VARS1: variants seen among roughly 807,000 people sequenced by gnomAD.
The protein encoded by VARS1 is valine--tRNA ligase.
A neutral mutation model predicts 161.0 loss-of-function variants in VARS1; 92 were observed. That is an observed-to-expected ratio of 0.57 (90% CI 0.48 to 0.68). VARS1 has a LOEUF of 0.68. VARS1 is among the 30% of genes least tolerant of loss of function. The pLI is 0.00. For missense variants in VARS1, 1,338 were observed against 1,695.9 expected (o/e 0.79, Z 3.71); for synonymous variants, 595 against 682.5 (o/e 0.87, Z 2.00).
rs370147590 is a variant in VARS1, at chr6:31,782,407, C to A, written c.2028G>T (p.Pro676=). 2 of 1,612,190 alleles carry A rather than the reference C, an allele frequency of 1.2e-6. No homozygotes were observed. Among genetic ancestry groups the A allele is most frequent in the East Asian group, 2.2e-5 (1 of 44,842 alleles). ...TCTCCCCGCAGCGAACGTACCACTG[C>A]GGCCGCAGCAGAGGCTCTACCACGT... The part of the protein sequence containing the change: ...SKDVVEPLLR[P]QWYVRCGEMA... The change falls in exon 17 of 30, where the codon CCG becomes CCT. Residue 676 remains proline (P), a synonymous_variant. Transcript: ENST00000375663. This position sits in a 1 kb window ranked among gnomAD's most constrained non-coding sequence, Gnocchi z 8.3.
rs1352287500 is a variant in VARS1, at chr6:31,777,588, G to C, written c.*6C>G. The C allele has an allele frequency of 6.2e-7, 1 of 1,613,976 alleles. No individual in the cohort carries two copies. The highest frequency in any genetic ancestry group is 8.5e-7 in the Non-Finnish European group (1 of 1,179,992). On this transcript the variant is annotated 3_prime_UTR_variant, in exon 30 of 30. Coordinates refer to ENST00000375663, the MANE Select transcript of VARS1 (RefSeq NM_006295.3). The surrounding 1 kb of genome is among the most constrained non-coding windows in gnomAD (Gnocchi z 5.8). ...CTGGGGGTGAGGGGTGAAGCTGGGT[G>C]GTGGATCACAGCATCTTCTGGAATA...
At chr6:31,786,580 C>A (rs892083652) in intron 8 of VARS1, among the ~76,000 whole-genome samples, 1 of 142,548 alleles carries the variant, frequency 7.0e-6, no homozygotes, top group Non-Finnish European at 1.5e-5. Context: ...GCACGAGAAT[C>A]GCTTGAAGCT....
chr6:31,792,453 T>A lies in VARS1; in HGVS notation c.725A>T (p.Glu242Val). The change falls in exon 5 of 30, where the codon GAG (glutamate) becomes GTG (valine). Residue 242 changes from glutamate to valine, a missense_variant. Coordinates refer to ENST00000375663, the MANE Select transcript of VARS1 (RefSeq NM_006295.3). ...AQLKKEAKKR[E>V]KLEKFQQKQK... Reference sequence around the variant, plus strand: ...CTTCTGTTGGAATTTCTCTAGCTTCTCCCGTTTCTTTGCCTCTTTCTTGAG... The same window carrying A: ...CTTCTGTTGGAATTTCTCTAGCTTCACCCGTTTCTTTGCCTCTTTCTTGAG... The A allele has an allele frequency of 6.2e-7, 1 of 1,613,954 alleles. No homozygotes were observed. Among genetic ancestry groups the A allele is most frequent in the Non-Finnish European group, 8.5e-7 (1 of 1,179,958 alleles).
rs145802701 is a variant in VARS1 at position 31,778,997 on chromosome 6, C to T, written c.3696G>A (p.Pro1232=). 6.9e-5 allele frequency: 111 copies of T among 1,613,046 alleles called. No individual in the cohort carries two copies. The highest frequency in any genetic ancestry group is 4.9e-4 in the African/African-American group (37 of 75,064). The change falls in exon 29 of 30, where the codon CCG becomes CCA. Residue 1232 remains proline, a synonymous_variant. Transcript: ENST00000375663. The surrounding 1 kb of genome is among the most constrained non-coding windows in gnomAD (Gnocchi z 5.1). The stretch of plus-strand genomic sequence containing the variant: ...CTTCATCTGCCTCCTGGACTTCGAG[C>T]GGCACCTTGACAGGATAGCCCGAGG... The part of the protein sequence containing the change: ...RAASGYPVKV[P]LEVQEADEAK...
At position 31,782,477 on chromosome 6, in the gene VARS1, T is replaced by C; in HGVS notation, c.1992-34A>G. 1 of 1,612,158 alleles carries C rather than the reference T, an allele frequency of 6.2e-7. No individual in the cohort carries two copies. Among genetic ancestry groups the C allele is most frequent in the Non-Finnish European group, 8.5e-7 (1 of 1,179,580 alleles). Reference sequence around the variant, plus strand: ...ACACGTAGGTGAGAAGGCCAGGCGGTAAAACCCTGAGGAGCCCTCCATCTT... The same window carrying C: ...ACACGTAGGTGAGAAGGCCAGGCGGCAAAACCCTGAGGAGCCCTCCATCTT... On this transcript the variant is annotated intron_variant, in intron 16 of 29. Coordinates refer to ENST00000375663, the MANE Select transcript of VARS1 (RefSeq NM_006295.3). This position sits in a 1 kb window ranked among gnomAD's most constrained non-coding sequence, Gnocchi z 8.3.
chr6:31,780,371 T>A lies in VARS1; in HGVS notation c.2925+70A>T, dbSNP rs1020392629. On this transcript the variant is annotated intron_variant, in intron 25 of 29. Transcript: ENST00000375663. The surrounding 1 kb of genome is among the most constrained non-coding windows in gnomAD (Gnocchi z 5.1). ...GTGTCTATCTGTCCCCCCAGCTACA[T>A]GGAGGCTGCTCCGGACAGGGGTACA... 1.8e-5 allele frequency: 28 copies of A among 1,568,704 alleles called. No homozygotes were observed. In the Middle Eastern group the frequency reaches 8.6e-4, roughly 48 times the overall value.
In VARS1 at chr6:31,779,159, C is replaced by T; in HGVS notation, c.3534G>A (p.Val1178=). The T allele has an allele frequency of 1.9e-6, 3 of 1,605,214 alleles. No homozygotes were observed. The highest frequency in any genetic ancestry group is 2.5e-6 in the Non-Finnish European group (3 of 1,176,562). ...TGGAGCAGCGATCAGAAGCCAGAGC[C>T]ACAGCGCAACCCTGGGGGGCGGGAG... ...LGAPAPQGCA[V]ALASDRCSIH... The change falls in exon 29 of 30, where the codon GTG becomes GTA. Residue 1178 remains valine, a synonymous_variant. Coordinates refer to ENST00000375663, the MANE Select transcript of VARS1 (RefSeq NM_006295.3). The surrounding 1 kb of genome is among the most constrained non-coding windows in gnomAD (Gnocchi z 9.1).
intron 8 of VARS1, among the ~76,000 whole-genome samples, chr6:31,788,697 T>C (rs949552685): frequency 2.6e-5 from 4 of 151,548 alleles, no homozygotes; most frequent in Admixed American, 2.0e-4. Flanking sequence ...TAGTCCCAGC[T>C]ACTCAGGAGG....
In VARS1 at chr6:31,778,610, A is replaced by G. The variant is rs1212518625; in HGVS notation, c.3726+357T>C. Among the ~76,000 whole-genome samples the G allele has an allele frequency of 2.0e-5, 3 of 152,130 alleles. No individual in the cohort carries two copies. The highest frequency in any genetic ancestry group is 2.1e-4 in the South Asian group (1 of 4,818). ...CTGCAGTCTTGACCTCCCAGGCTCA[A>G]GCAATCCGCCCACCTCAGCCCCCCG... On this transcript the variant is annotated intron_variant, in intron 29 of 29. Transcript: ENST00000375663. This position sits in a 1 kb window ranked among gnomAD's most constrained non-coding sequence, Gnocchi z 5.1.
At position 31,779,171 on chromosome 6, in the gene VARS1, C is replaced by T; in HGVS notation, c.3522G>A (p.Gln1174=). The T allele has an allele frequency of 6.2e-7, 1 of 1,605,450 alleles. No homozygotes were observed. The highest frequency in any genetic ancestry group is 8.5e-7 in the Non-Finnish European group (1 of 1,177,146). Residue 1174 remains glutamine, a synonymous_variant, in exon 29 of 30, where the codon CAG becomes CAA. Coordinates refer to ENST00000375663, the MANE Select transcript of VARS1 (RefSeq NM_006295.3). The surrounding 1 kb of genome is among the most constrained non-coding windows in gnomAD (Gnocchi z 9.1). The part of the protein sequence containing the change: ...AVLALGAPAP[Q]GCAVALASDR... ...CAGAAGCCAGAGCCACAGCGCAACCCTGGGGGGCGGGAGCCCCCAGGGCCA... is the reference window on the plus strand; with the variant it reads ...CAGAAGCCAGAGCCACAGCGCAACCTTGGGGGGCGGGAGCCCCCAGGGCCA...
At chr6:31,788,718 A>G (rs1813681552) in intron 8 of VARS1, among the ~76,000 whole-genome samples, 1 of 151,802 alleles carries the variant, frequency 6.6e-6, no homozygotes, top group Non-Finnish European at 1.5e-5. Context: ...CTGAGGCAGG[A>G]GTATGCTGTG....
Position 31,780,702 on chromosome 6 carries a change from T to A in VARS1, c.2797+3A>T, listed in dbSNP as rs893475539. The stretch of plus-strand genomic sequence containing the variant: ...GCTGGGAGGGACGCTTTGGGGGCCA[T>A]ACCCTGGGACATGTAGGCACATAAT... On this transcript the variant is annotated splice_donor_region_variant and intron_variant, in intron 24 of 29. Coordinates refer to ENST00000375663, the MANE Select transcript of VARS1 (RefSeq NM_006295.3). The surrounding 1 kb of genome is among the most constrained non-coding windows in gnomAD (Gnocchi z 5.1). 6.2e-7 allele frequency: 1 copy of A among 1,614,072 alleles called. No individual in the cohort carries two copies. Among genetic ancestry groups the A allele is most frequent in the African/African-American group, 1.3e-5 (1 of 75,042 alleles).
In VARS1 at chr6:31,782,221, C is replaced by T. The variant is rs372218553; in HGVS notation, c.2151-44G>A. On this transcript the variant is annotated intron_variant, in intron 17 of 29. Coordinates refer to ENST00000375663, the MANE Select transcript of VARS1 (RefSeq NM_006295.3). This position sits in a 1 kb window ranked among gnomAD's most constrained non-coding sequence, Gnocchi z 8.3. ...AGAAATCAGGGAGGGCCTGATGGAGCCTGGCCCGAGTGAGCCCTGCTCAGC... is the reference window on the plus strand; with the variant it reads ...AGAAATCAGGGAGGGCCTGATGGAGTCTGGCCCGAGTGAGCCCTGCTCAGC... 7 of 1,611,402 alleles carry T rather than the reference C, an allele frequency of 4.3e-6. No individual in the cohort carries two copies. The highest frequency in any genetic ancestry group is 1.3e-5 in the African/African-American group (1 of 75,050).
Position 31,782,987 on chromosome 6 carries a change from GCT to G in VARS1, c.1762+107_1762+108del. 8 of 1,530,956 alleles carry G rather than the reference GCT, an allele frequency of 5.2e-6. No homozygotes were observed. Among genetic ancestry groups the G allele is most frequent in the Non-Finnish European group, 7.1e-6 (8 of 1,133,178 alleles). 94.8% of individuals were successfully genotyped at this position (1,530,956 alleles called of 1,614,324 possible). On this transcript the variant is annotated intron_variant, in intron 14 of 29. Coordinates refer to ENST00000375663, the MANE Select transcript of VARS1 (RefSeq NM_006295.3). This position sits in a 1 kb window ranked among gnomAD's most constrained non-coding sequence, Gnocchi z 8.3. ...TACAGTCCCTTGAGAACCACCCCAA[GCT>G]CTGTCTATTTGGCTGAAGCTTATTT...
chr6:31,784,523 G>A lies in VARS1; in HGVS notation c.1468-21C>T. 1.2e-6 allele frequency: 2 copies of A among 1,613,876 alleles called. No individual in the cohort carries two copies. The highest frequency in any genetic ancestry group is 8.5e-7 in the Non-Finnish European group (1 of 1,180,050). On this transcript the variant is annotated intron_variant, in intron 11 of 29. Transcript: ENST00000375663. The surrounding 1 kb of genome is among the most constrained non-coding windows in gnomAD (Gnocchi z 6.1). ...TCCACCTGTAAAATGGGTATTTAGA[G>A]GCGTGGCCCAGGGGCCAGGGCCAGG...
rs751489753 is a variant in VARS1, at chr6:31,784,239, A to G, written c.1646T>C (p.Val549Ala). The change falls in exon 13 of 30, where the codon GTG (valine) becomes GCG (alanine). Residue 549 changes from valine to alanine, a missense_variant. Physicochemically the swap from Val to Ala is moderately conservative, Grantham distance 64 (BLOSUM62 0). This residue lies in a region of VARS1 where 902 missense variants were observed against 1,090.3 expected (regional missense o/e 0.83). Transcript: ENST00000375663. The surrounding 1 kb of genome is among the most constrained non-coding windows in gnomAD (Gnocchi z 6.1). ...CTGGTATCTGGTATCTTTGGGGTGC[A>G]CAGCTACAGCCACATCTCCCAGCAT... ...ETMLGDVAVA[V>A]HPKDTRYQHL... The G allele has an allele frequency of 1.2e-6, 2 of 1,614,124 alleles. No homozygotes were observed.
At position 31,782,080 on chromosome 6, in the gene VARS1, T is replaced by A. The variant is rs1031337203; in HGVS notation, c.2241+7A>T. The A allele has an allele frequency of 1.9e-6, 3 of 1,613,024 alleles. No homozygotes were observed. Among genetic ancestry groups the A allele is most frequent in the African/African-American group, 2.7e-5 (2 of 74,924 alleles). ...GTCCCAGCAGCTAGCTCTGGCCCTC[T>A]GCTCACCTCCCCAGGGGGCACCGCT... On this transcript the variant is annotated splice_region_variant and intron_variant, in intron 18 of 29. Coordinates refer to ENST00000375663, the MANE Select transcript of VARS1 (RefSeq NM_006295.3). This position sits in a 1 kb window ranked among gnomAD's most constrained non-coding sequence, Gnocchi z 8.3.
chr6:31,791,212 C>A lies in VARS1; in HGVS notation c.1100+398G>T. Among the ~76,000 whole-genome samples the A allele has an allele frequency of 6.6e-6, 1 of 151,822 alleles. No homozygotes were observed. The highest frequency in any genetic ancestry group is 6.6e-5 in the Admixed American group (1 of 15,242). On this transcript the variant is annotated intron_variant, in intron 8 of 29. Coordinates refer to ENST00000375663, the MANE Select transcript of VARS1 (RefSeq NM_006295.3). This position sits in a 1 kb window ranked among gnomAD's most constrained non-coding sequence, Gnocchi z 5.0. Reference sequence around the variant, plus strand: ...TAAATTCAAAATAATGTTATTGTTACTAGAAAAAGAAGGGAGAGACTGGGT... The same window carrying A: ...TAAATTCAAAATAATGTTATTGTTAATAGAAAAAGAAGGGAGAGACTGGGT...
intron 8 of VARS1, among the ~76,000 whole-genome samples, chr6:31,787,511 G>T (rs1435134598): frequency 6.6e-6 from 1 of 152,148 alleles, no homozygotes; most frequent in African/African-American, 2.4e-5. Flanking sequence ...TGGGCGTGGT[G>T]GTGCGTGCCT....
Sources: gnomAD v4.1 joint callset for allele counts (sites outside exome capture counted in the v4.1 genomes callset) on GRCh38, gnomAD v4.1.1 for gene constraint, gnomAD v4.1.1 regional missense constraint, Gnocchi (gnomAD v3.1) non-coding constraint, MANE v1.5 for transcripts, NCBI Gene and HGNC (gene_info 2026-07-23, HGNC 2026-07-21) for gene names.